The following DDC variants were observed in gnomAD, a reference collection of about 807,000 sequenced individuals.
DDC encodes the protein dopa decarboxylase.
In DDC, 43 loss-of-function variants were observed where a neutral mutation model predicts 60.0. The ratio of observed to expected loss-of-function variants is 0.72; its 90% CI spans 0.56 to 0.92. DDC has a LOEUF of 0.92. Among genes scored for constraint, DDC ranks in the 40% least tolerant of loss-of-function variants. The pLI is 0.00. For missense variants in DDC, 573 were observed against 620.2 expected, an observed-to-expected ratio of 0.92 and a Z score of 0.81; for synonymous variants, 232 against 234.6, an observed-to-expected ratio of 0.99 and a Z score of 0.10.
intron 8 of DDC, among the ~76,000 whole-genome samples, chr7:50,498,128 C>T (rs1400371371): frequency 6.6e-6 from 1 of 152,238 alleles, no homozygotes; most frequent in African/African-American, 2.4e-5. Context: ...AACTCATCTA[C>T]TCCTGGCGAC....
chr7:50,514,993 G>A (rs1483836524), intron 6 of DDC, among the ~76,000 whole-genome samples: 3 of 152,164 alleles, frequency 2.0e-5, no homozygotes, highest in Admixed American at 6.5e-5. Context: ...AACATATTTG[G>A]GGGAGTAATT....
chr7:50,507,030 G>A (rs1563011923), intron 6 of DDC, among the ~76,000 whole-genome samples: 1 of 152,114 alleles, frequency 6.6e-6, no homozygotes, highest in Non-Finnish European at 1.5e-5. Flanking sequence ...AAGACACCTG[G>A]CTACTCAGTT....
chr7:50,492,887 C>G, intron 9 of DDC: 4 of 1,589,886 alleles, frequency 2.5e-6, no homozygotes, highest in Non-Finnish European at 3.4e-6. Context: ...TCTGCGGCAG[C>G]CTCGGGGCAT....
At position 50,530,675 on chromosome 7, in the gene DDC, C is replaced by T. The variant is rs1585240389; in HGVS notation, c.436-1333G>A. 6.6e-5 allele frequency among the ~76,000 whole-genome samples: 10 copies of T among 152,032 alleles called. No homozygotes were observed. In the South Asian group the frequency reaches 1.9e-3, roughly 28 times the overall value. ...GCCCACGCCTGCGCTTTTTAGGGTG[C>T]CATGGGCCTAGAAAGGTAGGGGCAG... On this transcript the variant is annotated intron_variant, in intron 4 of 14. Coordinates refer to ENST00000444124, the MANE Select transcript of DDC (RefSeq NM_001082971.2).
chr7:50,501,465 C>T (rs1423679404), intron 7 of DDC, among the ~76,000 whole-genome samples: 1 of 152,232 alleles, frequency 6.6e-6, no homozygotes, highest in Non-Finnish European at 1.5e-5. Context: ...TGAATACCCT[C>T]ACTGGCAAAT....
At chr7:50,492,939 CCTT>C (rs766299524) in intron 9 of DDC, 197 of 1,597,970 alleles carry the variant, frequency 1.2e-4, no homozygotes, top group Non-Finnish European at 1.6e-4. Flanking sequence ...AGGCTCAACT[CCTT>C]CTCACCACCG....
In DDC at chr7:50,477,819, A is replaced by T. The variant is rs189278001; in HGVS notation, c.1022-1176T>A. ...AGGGAGCTTGTTAAACAAACATAAC[A>T]TCAATAGCAGCATCTGGCAATGATT... is the stretch of plus-strand genomic sequence containing the variant. On this transcript the variant is annotated intron_variant, in intron 10 of 14. Coordinates refer to ENST00000444124, the MANE Select transcript of DDC (RefSeq NM_001082971.2). Among the ~76,000 whole-genome samples the T allele has an allele frequency of 1.6e-4, 24 of 152,328 alleles. No homozygotes were observed. In the East Asian group the frequency reaches 4.0e-3, roughly 26 times the overall value.
In DDC at chr7:50,458,847, C is replaced by A. The variant is rs2042180366; in HGVS notation, c.*19-4G>T. On this transcript the variant is annotated splice_region_variant and splice_polypyrimidine_tract_variant and intron_variant, in intron 14 of 14. Transcript: ENST00000444124. ...ATCTCTCTTCAATTTTTGATTCCTACAGGGAAAAAAAATAGCATGAGCATA... is the reference window on the plus strand; with the variant it reads ...ATCTCTCTTCAATTTTTGATTCCTAAAGGGAAAAAAAATAGCATGAGCATA... 6.6e-6 allele frequency: 1 copy of A among 151,288 alleles called. No homozygotes were observed. Among genetic ancestry groups the A allele is most frequent in the East Asian group, 1.9e-4 (1 of 5,180 alleles). 9.4% of individuals were successfully genotyped at this position (151,288 alleles called of 1,614,324 possible).
At chr7:50,466,254 C>T (rs532595541) in intron 13 of DDC, among the ~76,000 whole-genome samples, 94 of 152,318 alleles carry the variant, frequency 6.2e-4, no homozygotes, top group African/African-American at 2.2e-3. Context: ...CTTTGAGAGG[C>T]TGAGGCGGGT....
At chr7:50,536,779 C>T (rs2044426513) in intron 4 of DDC, among the ~76,000 whole-genome samples, 1 of 152,226 alleles carries the variant, frequency 6.6e-6, no homozygotes, top group Non-Finnish European at 1.5e-5. Flanking sequence ...GAGAGACTTG[C>T]TTGCTAGTTT....
At chr7:50,476,423 C>A (rs2042644620) in intron 11 of DDC, among the ~76,000 whole-genome samples, 1 of 152,230 alleles carries the variant, frequency 6.6e-6, no homozygotes, top group South Asian at 2.1e-4. Context: ...CCCCTCCTAA[C>A]CTGAGACCTC....
intron 12 of DDC, among the ~76,000 whole-genome samples, chr7:50,467,800 A>G (rs1165752810): frequency 6.6e-6 from 1 of 152,172 alleles, no homozygotes; most frequent in African/African-American, 2.4e-5. Context: ...CCCAAGGTGC[A>G]CCCGGAGGCC....
At chr7:50,535,164 T>C (rs940452518) in intron 4 of DDC, among the ~76,000 whole-genome samples, 10 of 152,056 alleles carry the variant, frequency 6.6e-5, no homozygotes, top group South Asian at 2.1e-4. Flanking sequence ...TTCTTTCTTT[T>C]TTTTTTTTCT....
At position 50,465,410 on chromosome 7, in the gene DDC, G is replaced by A. The variant is rs571956786; in HGVS notation, c.1242+1804C>T. Among the ~76,000 whole-genome samples, 30 of 152,046 alleles carry A rather than the reference G, an allele frequency of 2.0e-4. No individual in the cohort carries two copies. The South Asian group carries it at 5.2e-3, about 26-fold the overall frequency. ...TTTTGAGACAGAGTCTTGCTCTGTC[G>A]CCCAGGCTGGAGCGCAGTAGCACAA... On this transcript the variant is annotated intron_variant, in intron 13 of 14. Transcript: ENST00000444124.
intron 12 of DDC, among the ~76,000 whole-genome samples, chr7:50,468,474 GA>G (rs1293346072): frequency 6.6e-6 from 1 of 152,160 alleles, no homozygotes; most frequent in Non-Finnish European, 1.5e-5. Flanking sequence ...GGTAGAGGGG[GA>G]TTTCCTACCC....
At chr7:50,462,226 C>CAAAAAA (rs11410259) in intron 14 of DDC, among the ~76,000 whole-genome samples, 71 of 75,356 alleles carry the variant, frequency 9.4e-4, no homozygotes, top group African/African-American at 2.2e-3. Context: ...GACAAAAAGA[C>CAAAAAA]AAAAAAAAAA....
At chr7:50,467,383 A>T in intron 12 of DDC, 68 bp from the exon 13 acceptor site, 1 of 1,333,008 alleles carries the variant, frequency 7.5e-7, no homozygotes, top group Non-Finnish European at 1.1e-6. Flanking sequence ...CTACCTAGAA[A>T]ACCTTATTAG....
rs189555422 is a variant in DDC at position 50,463,047 on chromosome 7, C to T, written c.*18+166G>A. On this transcript the variant is annotated intron_variant, in intron 14 of 14. Coordinates refer to ENST00000444124, the MANE Select transcript of DDC (RefSeq NM_001082971.2). ...CCTCCCAAAGTGCTGGGATTACAGG[C>T]GTGAGCCACCGCACCCGGCCTTCTC... 1.9e-3 allele frequency among the ~76,000 whole-genome samples: 294 copies of T among 152,292 alleles called. 1 individual carries two copies. The highest frequency in any genetic ancestry group is 6.2e-3 in the African/African-American group (259 of 41,556).
chr7:50,506,451 T>C (rs1189505107), intron 6 of DDC, among the ~76,000 whole-genome samples: 1 of 152,126 alleles, frequency 6.6e-6, no homozygotes, highest in African/African-American at 2.4e-5. Context: ...CATGTATACA[T>C]ATGTACAAAC....
Sources: gnomAD v4.1 joint callset for allele counts (sites outside exome capture counted in the v4.1 genomes callset) on GRCh38, gnomAD v4.1.1 for gene constraint, MANE v1.5 for transcripts, NCBI Gene and HGNC (gene_info 2026-07-23, HGNC 2026-07-21) for gene names.